The following ZNF782 variants were observed in gnomAD, a reference collection of about 807,000 sequenced individuals.
The protein encoded by ZNF782 is zinc finger protein 782.
A neutral mutation model predicts 13.0 loss-of-function variants in ZNF782; 12 were observed. The ratio of observed to expected loss-of-function variants is 0.92; its 90% confidence interval spans 0.59 to 1.50. The LOEUF is 1.50. ZNF782 is among the 40% of genes most tolerant of loss of function. The pLI is 0.00. For missense variants in ZNF782, 770 were observed against 822.9 expected (o/e 0.94, Z 0.79); for synonymous variants, 284 against 283.0 (o/e 1.00, Z -0.04).
chr9:96,918,374 C>T, the ZNF782 span, among the ~76,000 whole-genome samples: 1 of 147,388 alleles, frequency 6.8e-6, no homozygotes, highest in Non-Finnish European at 1.5e-5. Flanking sequence ...CATACCACTG[C>T]ACTCCAGCTG....
chr9:96,858,659 C>T (rs1372798013), upstream of ZNF782, among the ~76,000 whole-genome samples: 1 of 152,188 alleles, frequency 6.6e-6, no homozygotes, highest in Non-Finnish European at 1.5e-5. The surrounding 1 kb of genome is among the most constrained non-coding windows in gnomAD (Gnocchi z 4.4). Flanking sequence ...AGGAACACCT[C>T]ATATGAAGAT....
chr9:96,926,786 T>C, the ZNF782 span, among the ~76,000 whole-genome samples: 1 of 152,210 alleles, frequency 6.6e-6, no homozygotes, highest in East Asian at 1.9e-4. Flanking sequence ...CAACTCTGCC[T>C]TCTTGAGTCC....
the ZNF782 span, among the ~76,000 whole-genome samples, chr9:96,920,671 C>T: frequency 6.7e-6 from 1 of 149,822 alleles, no homozygotes; most frequent in Admixed American, 6.6e-5. Flanking sequence ...AATCCCAGCA[C>T]TTTGGGAGGC....
In ZNF782 at chr9:96,851,855, A is replaced by C. The variant is rs1329275969; in HGVS notation, c.15+92T>G. ...ATATATTTTCCCTCAAGATTTACTT[A>C]TCTATTTCTCCTTTTCCATTTAATG... On this transcript the variant is annotated intron_variant, in intron 3 of 5. Transcript: ENST00000481138. The C allele has an allele frequency of 2.4e-6, 3 of 1,235,840 alleles. No homozygotes were observed. In the African/African-American group the frequency reaches 6.3e-5, roughly 26 times the overall value. The allele number at this position is 1,235,840 out of a possible 1,614,324, so 76.6% of individuals were successfully genotyped here.
chr9:96,906,819 G>A, the ZNF782 span, among the ~76,000 whole-genome samples: 1 of 152,286 alleles, frequency 6.6e-6, no homozygotes, highest in Non-Finnish European at 1.5e-5. Flanking sequence ...CTCTCTAAAG[G>A]ATGGGGCTAG....
intron 5 of ZNF782, among the ~76,000 whole-genome samples, chr9:96,821,496 CTATAG>C (rs947977333): frequency 2.0e-5 from 3 of 152,052 alleles, no homozygotes; most frequent in South Asian, 2.1e-4. Flanking sequence ...TAGTTACTGT[CTATAG>C]TATTCATTTT....
Position 96,818,007 on chromosome 9 carries a change from T to C in ZNF782, c.2016A>G (p.Lys672=). 1 of 1,613,920 alleles carries C rather than the reference T, an allele frequency of 6.2e-7. No individual in the cohort carries two copies. The highest frequency in any genetic ancestry group is 1.7e-5 in the Admixed American group (1 of 59,992). The part of the protein sequence containing the change: ...RVHQRTHTGE[K]PYKCDKCGRT... ...TCCCACATTTATCACATTTATAGGG[T>C]TTCTCCCCTGTGTGAGTTCTCTGAT... The change falls in exon 6 of 6, where the codon AAA becomes AAG. Residue 672 remains lysine, a synonymous_variant. Coordinates refer to ENST00000481138, the MANE Select transcript of ZNF782 (RefSeq NM_001001662.3).
chr9:96,844,851 C>T lies in ZNF782; in HGVS notation c.142+39G>A, dbSNP rs770717500. On this transcript the variant is annotated intron_variant, in intron 4 of 5. Coordinates refer to ENST00000481138, the MANE Select transcript of ZNF782 (RefSeq NM_001001662.3). ...AGAGAGAAAGAGAGGAGAAACAGAA[C>T]TGCACTCTGGAGGGAACCCCATGGT... The T allele has an allele frequency of 3.7e-6, 6 of 1,613,524 alleles. No homozygotes were observed. The South Asian group carries it at 6.6e-5, about 18-fold the overall frequency.
At chr9:96,923,475 A>G in the ZNF782 span, among the ~76,000 whole-genome samples, 1 of 137,170 alleles carries the variant, frequency 7.3e-6, no homozygotes, top group Non-Finnish European at 1.5e-5. Flanking sequence ...CAACCCCTGA[A>G]AATCGTGAAA....
At chr9:96,921,294 G>A in the ZNF782 span, among the ~76,000 whole-genome samples, 2 of 148,418 alleles carry the variant, frequency 1.3e-5, no homozygotes, top group African/African-American at 4.9e-5. Context: ...CAGCACTTTG[G>A]GAGGCTGAGG....
upstream of ZNF782, among the ~76,000 whole-genome samples, chr9:96,877,777 T>G (rs1202054418): frequency 1.3e-5 from 2 of 152,118 alleles, no homozygotes; most frequent in African/African-American, 2.4e-5. Context: ...TTTCCGTCTG[T>G]GCAAAAATGA....
the ZNF782 span, chr9:96,888,420 G>A: frequency 1.3e-5 from 2 of 152,110 alleles, no homozygotes; most frequent in Non-Finnish European, 1.5e-5. Flanking sequence ...AAAGCTGAAA[G>A]AAGAAATCAA....
At chr9:96,866,258 G>T (rs574162762) in intron 1 of ZNF782, among the ~76,000 whole-genome samples, 3 of 152,144 alleles carry the variant, frequency 2.0e-5, no homozygotes, top group Non-Finnish European at 2.9e-5. Flanking sequence ...GCTGTGCCCG[G>T]GGTTCCTCAG....
the ZNF782 span, chr9:96,902,778 GTTTATT>G: frequency 2.4e-4 from 28 of 118,744 alleles, 1 homozygote; most frequent in African/African-American, 1.1e-3. Context: ...AGTTCTATCA[GTTTATT>G]ATTATTATTA....
In ZNF782 at chr9:96,850,077, A is replaced by G. The variant is rs1437006882; in HGVS notation, c.15+1870T>C. On this transcript the variant is annotated intron_variant, in intron 3 of 5. Coordinates refer to ENST00000481138, the MANE Select transcript of ZNF782 (RefSeq NM_001001662.3). This position sits in a 1 kb window ranked among gnomAD's most constrained non-coding sequence, Gnocchi z 4.3. ...TGCTGGTAGGAATGTAAATTAGGAC[A>G]ACCTCTATGGAAAAAGTATGGAGAT... is the stretch of plus-strand genomic sequence containing the variant. 6.6e-6 allele frequency among the ~76,000 whole-genome samples: 1 copy of G among 152,206 alleles called. No homozygotes were observed. The highest frequency in any genetic ancestry group is 1.5e-5 in the Non-Finnish European group (1 of 68,026).
chr9:96,875,096 G>A (rs1004508004), intron 1 of ZNF782, among the ~76,000 whole-genome samples: 3 of 152,174 alleles, frequency 2.0e-5, no homozygotes, highest in Non-Finnish European at 4.4e-5. Context: ...TGTGATATTC[G>A]ACAGCACCTG....
Position 96,826,846 on chromosome 9 carries a change from A to G in ZNF782, c.244+234T>C, listed in dbSNP as rs76334921. 4.8e-3 allele frequency among the ~76,000 whole-genome samples: 727 copies of G among 152,298 alleles called. 5 individuals carry two copies. The highest frequency in any genetic ancestry group is 0.016 in the African/African-American group (683 of 41,564). On this transcript the variant is annotated intron_variant, in intron 5 of 5. Transcript: ENST00000481138. ...CAGTTCTGGGTAGACAACATTTTAC[A>G]TATGTTTTCAAAATTCATTGTTTAG...
the ZNF782 span, among the ~76,000 whole-genome samples, chr9:96,922,175 T>C: frequency 0.23 from 33,691 of 148,792 alleles, 8,956 homozygotes; most frequent in African/African-American, 0.65. Context: ...CCAGAATACA[T>C]ATAATGTCAT....
intron 4 of ZNF782, among the ~76,000 whole-genome samples, chr9:96,830,636 G>A (rs1850769788): frequency 6.6e-6 from 1 of 152,164 alleles, no homozygotes; most frequent in African/African-American, 2.4e-5. Flanking sequence ...TACATGAGAA[G>A]ATTTAAATCA....
Sources: gnomAD v4.1 joint callset for allele counts (sites outside exome capture counted in the v4.1 genomes callset) on GRCh38, gnomAD v4.1.1 for gene constraint, Gnocchi (gnomAD v3.1) non-coding constraint, MANE v1.5 for transcripts, NCBI Gene and HGNC (gene_info 2026-07-23, HGNC 2026-07-21) for gene names.